DSCAM: variants seen among roughly 807,000 people sequenced by gnomAD.
The protein encoded by DSCAM is DS cell adhesion molecule.
In DSCAM, 47 loss-of-function variants were observed where a neutral mutation model predicts 217.7. The observed-to-expected ratio is 0.22, with a 90% CI of 0.17 to 0.28. DSCAM has a LOEUF of 0.28. Ranked by LOEUF, DSCAM falls within the 10% of genes least tolerant of loss-of-function variation. DSCAM has a pLI of 1.00. For missense variants in DSCAM, 2,080 were observed against 2,618.3 expected (o/e 0.79, Z 4.49); for synonymous variants, 1,056 against 1,015.3 (o/e 1.04, Z -0.76).
intron 1 of DSCAM, among the ~76,000 whole-genome samples, chr21:40,731,728 A>ACCCCCCC (rs148482159): frequency 1.7e-3 from 132 of 79,734 alleles, no homozygotes; most frequent in Middle Eastern, 7.1e-3. Flanking sequence ...TTCCCACTGC[A>ACCCCCCC]CCCCCCCCCC....
chr21:40,401,397 ATTT>A (rs112983603), intron 3 of DSCAM, among the ~76,000 whole-genome samples: 4 of 151,502 alleles, frequency 2.6e-5, no homozygotes, highest in Non-Finnish European at 5.9e-5. Flanking sequence ...ATAAAATTGG[ATTT>A]TTTTTTCTGT....
chr21:40,777,323 G>A (rs886343689), intron 1 of DSCAM, among the ~76,000 whole-genome samples: 1 of 152,176 alleles, frequency 6.6e-6, no homozygotes, highest in Non-Finnish European at 1.5e-5. Flanking sequence ...TATAAATTTG[G>A]TGGGAGCCGA....
chr21:40,255,387 G>A (rs993274999), intron 11 of DSCAM, among the ~76,000 whole-genome samples: 3 of 152,170 alleles, frequency 2.0e-5, no homozygotes, highest in Non-Finnish European at 2.9e-5. Flanking sequence ...ACTTAAAGGC[G>A]AGGACATTTA....
chr21:40,023,270 G>T (rs970593345), intron 32 of DSCAM, among the ~76,000 whole-genome samples: 1 of 151,880 alleles, frequency 6.6e-6, no homozygotes. Flanking sequence ...TCCAATCATT[G>T]TTGGACATTT....
chr21:40,516,937 T>C (rs1288543687), intron 3 of DSCAM, among the ~76,000 whole-genome samples: 1 of 148,614 alleles, frequency 6.7e-6, no homozygotes, highest in East Asian at 2.0e-4. Context: ...TATATATTTA[T>C]ATATACATAT....
rs138092728 is a variant in DSCAM, at chr21:40,734,838, C to T, written c.44-26067G>A. Among the ~76,000 whole-genome samples, 495 of 152,276 alleles carry T rather than the reference C, an allele frequency of 3.3e-3. 3 individuals are homozygous for T. The highest frequency in any genetic ancestry group is 0.012 in the African/African-American group (481 of 41,540). On this transcript the variant is annotated intron_variant, in intron 1 of 32. Coordinates refer to ENST00000400454, the MANE Select transcript of DSCAM (RefSeq NM_001389.5). ...TTTAATACGTGCAGTCTCTACCGTCCCTCAGCTTTGTCAGTCCACCTTCTT... is the reference window on the plus strand; with the variant it reads ...TTTAATACGTGCAGTCTCTACCGTCTCTCAGCTTTGTCAGTCCACCTTCTT...
intron 3 of DSCAM, among the ~76,000 whole-genome samples, chr21:40,626,656 G>A (rs1246258862): frequency 6.6e-6 from 1 of 152,122 alleles, no homozygotes; most frequent in Non-Finnish European, 1.5e-5. Context: ...CCACTTATGT[G>A]GCTCGTTCTT....
At chr21:40,474,857 G>A (rs1326533885) in intron 3 of DSCAM, among the ~76,000 whole-genome samples, 2 of 152,112 alleles carry the variant, frequency 1.3e-5, no homozygotes, top group East Asian at 1.9e-4. Context: ...GGGTTCCCAC[G>A]ACGAGAACTG....
At chr21:40,232,224 C>A (rs907343921) in intron 11 of DSCAM, among the ~76,000 whole-genome samples, 3 of 152,088 alleles carry the variant, frequency 2.0e-5, no homozygotes, top group African/African-American at 7.2e-5. Context: ...GCCCTGAAGA[C>A]AGGAGAAACA....
chr21:40,751,287 C>A (rs976739662), intron 1 of DSCAM, among the ~76,000 whole-genome samples: 1 of 152,180 alleles, frequency 6.6e-6, no homozygotes, highest in Non-Finnish European at 1.5e-5. Context: ...GCTTCAGTTT[C>A]TTTGCACTAA....
intron 16 of DSCAM, among the ~76,000 whole-genome samples, chr21:40,161,258 G>A (rs751847445): frequency 6.6e-6 from 1 of 152,108 alleles, no homozygotes; most frequent in Non-Finnish European, 1.5e-5. Flanking sequence ...TGGCTAAACC[G>A]AGAGGAGTAA....
At chr21:40,476,480 G>A (rs1262390172) in intron 3 of DSCAM, among the ~76,000 whole-genome samples, 2 of 152,156 alleles carry the variant, frequency 1.3e-5, no homozygotes, top group African/African-American at 4.8e-5. Flanking sequence ...TAATAATATT[G>A]ATGATGATAG....
At position 40,523,481 on chromosome 21, in the gene DSCAM, A is replaced by G. The variant is rs147271225; in HGVS notation, c.509-154236T>C. On this transcript the variant is annotated intron_variant, in intron 3 of 32. Coordinates refer to ENST00000400454, the MANE Select transcript of DSCAM (RefSeq NM_001389.5). ...AAGCCAGCAGGCCAGCAGGCCATTGACCGGTGAATGCCGCAGAGTTTCGGG... is the reference window on the plus strand; with the variant it reads ...AAGCCAGCAGGCCAGCAGGCCATTGGCCGGTGAATGCCGCAGAGTTTCGGG... Among the ~76,000 whole-genome samples, 10 of 152,254 alleles carry G rather than the reference A, an allele frequency of 6.6e-5. No individual in the cohort carries two copies. The South Asian group carries it at 8.3e-4, about 13-fold the overall frequency.
chr21:40,216,927 C>T (rs935022095), intron 11 of DSCAM, among the ~76,000 whole-genome samples: 39 of 152,298 alleles, frequency 2.6e-4, no homozygotes, highest in African/African-American at 8.7e-4. Context: ...TTTTCAAAGT[C>T]GGTCACCCTA....
chr21:40,484,366 A>T (rs1216695021), intron 3 of DSCAM, among the ~76,000 whole-genome samples: 1 of 152,210 alleles, frequency 6.6e-6, no homozygotes. Context: ...GTTAACTGAT[A>T]GAAAACATAA....
intron 11 of DSCAM, among the ~76,000 whole-genome samples, chr21:40,227,058 GT>G: frequency 6.6e-6 from 1 of 152,196 alleles, no homozygotes; most frequent in Middle Eastern, 3.4e-3. Context: ...CTCCATCCAT[GT>G]CCCTGCAAAG....
At chr21:40,669,593 T>A (rs1369412893) in intron 3 of DSCAM, among the ~76,000 whole-genome samples, 6 of 139,588 alleles carry the variant, frequency 4.3e-5, no homozygotes, top group African/African-American at 1.9e-4. Context: ...TATATATATT[T>A]TTTTTTTTTT....
At position 40,660,653 on chromosome 21, in the gene DSCAM, G is replaced by A. The variant is rs118157020; in HGVS notation, c.508+32157C>T. The stretch of plus-strand genomic sequence containing the variant: ...CGTGAGGGTGTAGAAAACATGCAGA[G>A]TATGGTAACATTTACTTTTAGATAG... On this transcript the variant is annotated intron_variant, in intron 3 of 32. Coordinates refer to ENST00000400454, the MANE Select transcript of DSCAM (RefSeq NM_001389.5). Among the ~76,000 whole-genome samples the A allele has an allele frequency of 3.9e-3, 597 of 152,230 alleles. 3 individuals carry two copies. Among genetic ancestry groups the A allele is most frequent in the Middle Eastern group, 0.01 (3 of 294 alleles).
intron 3 of DSCAM, among the ~76,000 whole-genome samples, chr21:40,401,980 G>T (rs148920120): frequency 6.7e-6 from 1 of 149,674 alleles, no homozygotes; most frequent in African/African-American, 2.5e-5. Flanking sequence ...TAAGTTCCCC[G>T]TGTGGTTGAC....
Sources: gnomAD v4.1 joint callset for allele counts (sites outside exome capture counted in the v4.1 genomes callset) on GRCh38, gnomAD v4.1.1 for gene constraint, MANE v1.5 for transcripts, NCBI Gene and HGNC (gene_info 2026-07-23, HGNC 2026-07-21) for gene names.